The following USP24 variants were observed in gnomAD, a reference collection of about 807,000 sequenced individuals.
The protein encoded by USP24 is ubiquitin specific peptidase 24.
A neutral mutation model predicts 361.6 loss-of-function variants in USP24; 97 were observed. That is an observed-to-expected ratio of 0.27 (90% CI 0.23 to 0.32). The LOEUF is 0.32. Ranked by LOEUF, USP24 falls within the 10% of genes least tolerant of loss-of-function variation. The pLI is 1.00. For synonymous variants in USP24, 1,098 were observed against 1,124.6 expected (o/e 0.98, Z 0.47); for missense variants, 2,353 against 3,165.6 (o/e 0.74, Z 6.16).
intron 1 of USP24, among the ~76,000 whole-genome samples, chr1:55,188,337 A>T (rs1447994344): frequency 6.6e-6 from 1 of 152,190 alleles, no homozygotes; most frequent in Non-Finnish European, 1.5e-5. Context: ...CAAAAGCAAC[A>T]AAGAAAAAAT....
intron 16 of USP24, 49 bp downstream of exon 16, chr1:55,153,821 A>G: frequency 6.8e-7 from 1 of 1,473,470 alleles, no homozygotes; most frequent in South Asian, 1.3e-5. Flanking sequence ...ATTAAAGGAA[A>G]TTATTAAACT....
chr1:55,137,049 A>G (rs1452623932), intron 28 of USP24, among the ~76,000 whole-genome samples: 1 of 152,106 alleles, frequency 6.6e-6, no homozygotes, highest in Non-Finnish European at 1.5e-5. Flanking sequence ...GGCAAAGGAG[A>G]CCAAAAAACA....
At chr1:55,088,572 C>T (rs746192841) in intron 55 of USP24, among the ~76,000 whole-genome samples, 5 of 152,068 alleles carry the variant, frequency 3.3e-5, no homozygotes, top group African/African-American at 7.2e-5. Flanking sequence ...CTCTGGCAGG[C>T]GTGTGGCATC....
intron 62 of USP24, 143 bp from the exon 63 acceptor site, chr1:55,075,666 CA>C: frequency 1.6e-4 from 1 of 6,096 alleles, no homozygotes; most frequent in Non-Finnish European, 3.1e-4. Flanking sequence ...ACAACAACAA[CA>C]CCACCACCAC....
At chr1:55,128,371 T>C (rs1318090113) in intron 32 of USP24, among the ~76,000 whole-genome samples, 1 of 152,200 alleles carries the variant, frequency 6.6e-6, no homozygotes, top group East Asian at 1.9e-4. Context: ...TGTTTTTTCA[T>C]GGACTACAAG....
rs889414998 is a variant in USP24, at chr1:55,124,647, A to G, written c.3961-19T>C. The G allele has an allele frequency of 9.3e-6, 15 of 1,612,994 alleles. No homozygotes were observed. The highest frequency in any genetic ancestry group is 1.1e-5 in the South Asian group (1 of 90,902). On this transcript the variant is annotated intron_variant, in intron 34 of 67. Transcript: ENST00000294383. The stretch of plus-strand genomic sequence containing the variant: ...CCATTGTCTAAAGAATGGAACAAGT[A>G]TTATGAGAAAGAGCAATACTTGAAC...
rs1645509660 is a variant in USP24 at position 55,096,954 on chromosome 1, C to T, written c.5934G>A (p.Arg1978=). The T allele has an allele frequency of 6.2e-7, 1 of 1,613,162 alleles. No homozygotes were observed. Among genetic ancestry groups the T allele is most frequent in the Non-Finnish European group, 8.5e-7 (1 of 1,179,538 alleles). Residue 1978 remains arginine (R), a splice_region_variant and synonymous_variant, in exon 49 of 68, where the codon AGG becomes AGA. Coordinates refer to ENST00000294383, the MANE Select transcript of USP24 (RefSeq NM_015306.3). ...AGHYYSFIKD[R]RGCGKGKWYK... is the part of the protein sequence containing the mutation. ...GTGCTGCCTCAGGAAACTCTTACCGCCTGTCCTTAATGAAGGAATAGTAGT... is the reference window on the plus strand; with the variant it reads ...GTGCTGCCTCAGGAAACTCTTACCGTCTGTCCTTAATGAAGGAATAGTAGT...
intron 24 of USP24, 66 bp from the exon 25 acceptor site, chr1:55,139,076 T>C (rs1646817019): frequency 2.1e-6 from 3 of 1,413,780 alleles, no homozygotes; most frequent in Admixed American, 4.1e-5. Context: ...TCAGTTCTAG[T>C]CTGTTTCACC....
rs1441027955 is a variant in USP24, at chr1:55,068,771, T to C, written c.*274A>G. On this transcript the variant is annotated 3_prime_UTR_variant, in exon 68 of 68. Coordinates refer to ENST00000294383, the MANE Select transcript of USP24 (RefSeq NM_015306.3). ...ACAAAAAAGTCTGCCACTGGCTCTATTTCCGAAAATCTCCACAGAAATGTG... is the reference window on the plus strand; with the variant it reads ...ACAAAAAAGTCTGCCACTGGCTCTACTTCCGAAAATCTCCACAGAAATGTG... 1 of 424,092 alleles carries C rather than the reference T, an allele frequency of 2.4e-6. No individual in the cohort carries two copies. The highest frequency in any genetic ancestry group is 2.0e-5 in the African/African-American group (1 of 49,458). The allele number at this position is 424,092 out of a possible 1,614,324, so 26.3% of individuals were successfully genotyped here. A position where few individuals can be genotyped will look rare whatever the true frequency, so the allele number is the denominator to read the frequency against.
chr1:55,204,703 A>G (rs761967977), intron 1 of USP24, among the ~76,000 whole-genome samples: 1 of 152,226 alleles, frequency 6.6e-6, no homozygotes, highest in East Asian at 1.9e-4. Context: ...ATAACAGAAA[A>G]GAAATATGTC....
At chr1:55,128,247 T>G (rs1194283574) in intron 32 of USP24, among the ~76,000 whole-genome samples, 2 of 152,136 alleles carry the variant, frequency 1.3e-5, no homozygotes, top group Non-Finnish European at 2.9e-5. Context: ...TCATCTCCTC[T>G]CTGGATACTG....
chr1:55,096,715 G>C, intron 49 of USP24, 93 bp from the exon 50 acceptor site: 1 of 1,489,818 alleles, frequency 6.7e-7, no homozygotes, highest in Non-Finnish European at 9.0e-7. Flanking sequence ...TACAAATAAA[G>C]CAGGTGTTTA....
intron 31 of USP24, 120 bp from the exon 32 acceptor site, chr1:55,129,694 T>C (rs1646536706): frequency 6.0e-6 from 4 of 664,130 alleles, no homozygotes; most frequent in South Asian, 4.8e-5. Flanking sequence ...ACACTGTTTT[T>C]CCCCCAGAAA....
At position 55,073,857 on chromosome 1, in the gene USP24, A is replaced by G. The variant is rs956751323; in HGVS notation, c.7497T>C (p.Cys2499=). ...GAGCAAGAGTGACAAGAAATTTGAC[A>G]CACTGGTAGCAGCGACTACTGTCCA... ...NHVDSSRCYQ[C]VKFLVTLAQK... Residue 2499 remains cysteine (C), a synonymous_variant, in exon 64 of 68, where the codon TGT becomes TGC. Coordinates refer to ENST00000294383, the MANE Select transcript of USP24 (RefSeq NM_015306.3). 10 of 1,580,910 alleles carry G rather than the reference A, an allele frequency of 6.3e-6. No individual in the cohort carries two copies. The African/African-American group carries it at 1.1e-4, about 17-fold the overall frequency.
chr1:55,159,191 CTT>C (rs1173673555), intron 9 of USP24, among the ~76,000 whole-genome samples, 155 bp from the exon 10 acceptor site: 1 of 152,120 alleles, frequency 6.6e-6, no homozygotes, highest in Admixed American at 6.5e-5. Context: ...AGAAACAAAA[CTT>C]AGCACATGGG....
Position 55,103,861 on chromosome 1 carries a change from G to A in USP24, c.5025+15C>T, listed in dbSNP as rs747764805. On this transcript the variant is annotated intron_variant, in intron 42 of 67. Transcript: ENST00000294383. ...TTCTAAAAAAATTAAGTTCATCAAC[G>A]TCTAGAAAACCTACATCAAACTCCT... is the stretch of plus-strand genomic sequence containing the variant. The A allele has an allele frequency of 2.4e-5, 38 of 1,601,958 alleles. 4 individuals are homozygous for A. In the South Asian group the frequency reaches 2.8e-4, roughly 12 times the overall value.
intron 8 of USP24, 34 bp from the exon 9 acceptor site, chr1:55,159,719 C>T (rs772038548): frequency 1.1e-5 from 16 of 1,520,576 alleles, no homozygotes; most frequent in Middle Eastern, 1.7e-4. Context: ...TAAGAACTCC[C>T]GAAGCTGTCC....
chr1:55,114,653 C>T (rs958312508), intron 38 of USP24, among the ~76,000 whole-genome samples: 4 of 152,188 alleles, frequency 2.6e-5, no homozygotes, highest in Non-Finnish European at 5.9e-5. Flanking sequence ...AAAGGATTCC[C>T]TATTTAATAA....
intron 38 of USP24, among the ~76,000 whole-genome samples, chr1:55,117,684 C>T (rs1312679886): frequency 5.3e-5 from 7 of 132,958 alleles, no homozygotes; most frequent in Middle Eastern, 4.9e-3. Flanking sequence ...TGCAGTGAGC[C>T]GAGATTGCGC....
Sources: allele counts gnomAD v4.1 joint callset (sites outside exome capture counted in the v4.1 genomes callset), GRCh38; gene constraint gnomAD v4.1.1; transcripts MANE v1.5; gene names NCBI Gene and HGNC (gene_info 2026-07-23, HGNC 2026-07-21).